SEL1L3: variants seen among roughly 807,000 people sequenced by gnomAD.
SEL1L3 encodes SEL1L family member 3.
In SEL1L3, 76 loss-of-function variants were observed where a neutral mutation model predicts 142.8. The ratio of observed to expected loss-of-function variants is 0.53; its 90% confidence interval spans 0.44 to 0.64. The LOEUF is 0.64. Among genes scored for constraint, SEL1L3 ranks in the 30% least tolerant of loss-of-function variants. The pLI is 0.00. For synonymous variants in SEL1L3, 504 were observed against 519.6 expected (o/e 0.97, Z 0.41); for missense variants, 1,262 against 1,381.7 (o/e 0.91, Z 1.37).
chr4:25,804,498 T>C, intron 10 of SEL1L3, 43 bp downstream of exon 10: 2 of 1,416,750 alleles, frequency 1.4e-6, no homozygotes, highest in Non-Finnish European at 2.0e-6. Flanking sequence ...TTTGCAAATA[T>C]AATGCAAGTG....
At chr4:25,831,346 G>A (rs1047272440) in intron 5 of SEL1L3, among the ~76,000 whole-genome samples, 1 of 151,600 alleles carries the variant, frequency 6.6e-6, no homozygotes, top group Non-Finnish European at 1.5e-5. Flanking sequence ...CCAATAACAT[G>A]CTGAAATACC....
chr4:25,846,912 C>CAAAAAAA (rs71184268), intron 2 of SEL1L3, among the ~76,000 whole-genome samples: 1 of 71,792 alleles, frequency 1.4e-5, no homozygotes. Context: ...GACTCCATCT[C>CAAAAAAA]AAAAAAAAAA....
chr4:25,838,260 C>G (rs1454694733), intron 2 of SEL1L3, among the ~76,000 whole-genome samples: 1 of 152,142 alleles, frequency 6.6e-6, no homozygotes, highest in Non-Finnish European at 1.5e-5. Flanking sequence ...GTTAAACAAA[C>G]AAACAAACAA....
chr4:25,759,116 C>G, intron 20 of SEL1L3, 48 bp from the exon 21 acceptor site: 1 of 1,593,956 alleles, frequency 6.3e-7, no homozygotes, highest in African/African-American at 1.3e-5. Context: ...GAAATAAAAC[C>G]TAGACACACA....
chr4:25,755,746 A>G (rs1258029440), intron 23 of SEL1L3, among the ~76,000 whole-genome samples: 1 of 152,228 alleles, frequency 6.6e-6, no homozygotes, highest in African/African-American at 2.4e-5. Context: ...CCACCCGCCC[A>G]TGAATTTTCA....
In SEL1L3 at chr4:25,759,069, C is replaced by G. The variant is rs749741852; in HGVS notation, c.2956-1G>C. 1 of 1,612,728 alleles carries G rather than the reference C, an allele frequency of 6.2e-7. No individual in the cohort carries two copies. Among genetic ancestry groups the G allele is most frequent in the Non-Finnish European group, 8.5e-7 (1 of 1,179,564 alleles). On this transcript the variant is annotated splice_acceptor_variant, in intron 20 of 23. Coordinates refer to ENST00000399878, the MANE Select transcript of SEL1L3 (RefSeq NM_015187.5). LOFTEE classifies it high-confidence loss of function. ...TTAGCAGGGCCAGGTTAAAAAATCC[C>G]TAAAAACAAGCCACAAACCAAACTC...
At chr4:25,859,785 A>G (rs998705283) in intron 1 of SEL1L3, among the ~76,000 whole-genome samples, 8 of 152,208 alleles carry the variant, frequency 5.3e-5, no homozygotes, top group African/African-American at 1.4e-4. Flanking sequence ...TTATCTCTTC[A>G]TTAACGATGG....
At chr4:25,752,374 G>A (rs185456817) in intron 23 of SEL1L3, among the ~76,000 whole-genome samples, 10 of 143,060 alleles carry the variant, frequency 7.0e-5, no homozygotes, top group East Asian at 4.1e-4. Context: ...CCGAGATAGC[G>A]CCACTGCACT....
downstream of SEL1L3, among the ~76,000 whole-genome samples, chr4:25,742,630 T>G (rs893638493): frequency 7.2e-5 from 11 of 152,234 alleles, no homozygotes; most frequent in African/African-American, 2.2e-4. Context: ...TTGATAAACA[T>G]CTAATGAGTT....
At chr4:25,756,034 GA>G in intron 23 of SEL1L3, 1 of 985,394 alleles carries the variant, frequency 1.0e-6, no homozygotes. Context: ...GTAAATCAGA[GA>G]GAAATGATTT....
the SEL1L3 span, among the ~76,000 whole-genome samples, chr4:25,716,324 T>A: frequency 6.6e-6 from 1 of 152,170 alleles, no homozygotes; most frequent in African/African-American, 2.4e-5. Flanking sequence ...TTTACTACAG[T>A]TGATTGGGAA....
intron 6 of SEL1L3, among the ~76,000 whole-genome samples, chr4:25,827,842 A>G (rs1377449481): frequency 1.3e-5 from 2 of 149,418 alleles, no homozygotes; most frequent in Non-Finnish European, 3.0e-5. Context: ...TTCAGGGGAG[A>G]GAGAGGAAGC....
the SEL1L3 span, among the ~76,000 whole-genome samples, chr4:25,722,240 A>G: frequency 6.6e-6 from 1 of 152,200 alleles, no homozygotes. Context: ...ATGCAGACTC[A>G]TTTAGGTGCT....
rs1318418580 is a variant in SEL1L3 at position 25,759,389 on chromosome 4, C to T, written c.2956-321G>A. ...ACGTGCCCTTGTATCATAAACGAAA[C>T]AAGAATACTGAGTCGAATACCATGT... On this transcript the variant is annotated intron_variant, in intron 20 of 23. Coordinates refer to ENST00000399878, the MANE Select transcript of SEL1L3 (RefSeq NM_015187.5). 3 of 250,284 alleles carry T rather than the reference C, an allele frequency of 1.2e-5. No homozygotes were observed. The East Asian group carries it at 2.9e-4, about 24-fold the overall frequency. The allele number at this position is 250,284 out of a possible 1,614,324, so 15.5% of individuals were successfully genotyped here.
chr4:25,720,530 T>C, the SEL1L3 span: 1 of 152,132 alleles, frequency 6.6e-6, no homozygotes, highest in Non-Finnish European at 1.5e-5. Context: ...CATCAGGAGA[T>C]AGAGACGTAT....
At chr4:25,861,121 TACTAC>T (rs1342566882) in intron 1 of SEL1L3, among the ~76,000 whole-genome samples, 2 of 152,238 alleles carry the variant, frequency 1.3e-5, no homozygotes, top group Non-Finnish European at 2.9e-5. Flanking sequence ...CGCAACACTC[TACTAC>T]ATCACTTCTG....
the SEL1L3 span, among the ~76,000 whole-genome samples, chr4:25,726,177 G>A: frequency 6.6e-6 from 1 of 151,390 alleles, no homozygotes; most frequent in African/African-American, 2.4e-5. Context: ...GGGTTTTGGA[G>A]CATTTGGAAT....
At chr4:25,735,586 CT>C in the SEL1L3 span, among the ~76,000 whole-genome samples, 2 of 135,306 alleles carry the variant, frequency 1.5e-5, no homozygotes, top group Non-Finnish European at 3.3e-5. Flanking sequence ...GCTTAATCTT[CT>C]TTTTTTATGG....
Position 25,790,437 on chromosome 4 carries a change from A to G in SEL1L3, c.2076+18T>C. ...TCATGGCTGACAGAATCCCCAAGAC[A>G]GTAGCCTGCGTTTTTACCTGAGCTG... On this transcript the variant is annotated intron_variant, in intron 12 of 23. Coordinates refer to ENST00000399878, the MANE Select transcript of SEL1L3 (RefSeq NM_015187.5). 1.2e-6 allele frequency: 2 copies of G among 1,613,296 alleles called. No homozygotes were observed. The highest frequency in any genetic ancestry group is 1.7e-6 in the Non-Finnish European group (2 of 1,179,372).
Sources: gnomAD v4.1 joint callset for allele counts (sites outside exome capture counted in the v4.1 genomes callset) on GRCh38, gnomAD v4.1.1 for gene constraint, MANE v1.5 for transcripts, NCBI Gene and HGNC (gene_info 2026-07-23, HGNC 2026-07-21) for gene names.